SLC71A2: variants seen among roughly 807,000 people sequenced by gnomAD.
SLC71A2 encodes solute carrier family 71 member 2, also known as hippocampus abundant transcript-like 1.
the SLC71A2 span, among the ~76,000 whole-genome samples, chr9:94,426,429 A>G: frequency 2.0e-5 from 3 of 152,146 alleles, no homozygotes; most frequent in Non-Finnish European, 4.4e-5. Flanking sequence ...AACTTCTTCA[A>G]GGTCTTCTCT....
At chr9:94,424,614 A>G in the SLC71A2 span, among the ~76,000 whole-genome samples, 1 of 151,324 alleles carries the variant, frequency 6.6e-6, no homozygotes, top group Non-Finnish European at 1.5e-5. Context: ...ATGTCTGTAT[A>G]TATATATTTT....
the SLC71A2 span, chr9:94,460,426 A>AATC: frequency 1.1e-4 from 17 of 152,554 alleles, no homozygotes; most frequent in Admixed American, 8.5e-4. Flanking sequence ...TCTTTATTTC[A>AATC]ATCTGTTTAA....
At chr9:94,438,393 C>G in the SLC71A2 span, 1 of 1,614,132 alleles carries the variant, frequency 6.2e-7, no homozygotes, top group Non-Finnish European at 8.5e-7. Context: ...CTTTGGTTTC[C>G]TCTCCAGGGC....
the SLC71A2 span, among the ~76,000 whole-genome samples, chr9:94,423,268 T>C: frequency 0.31 from 45,457 of 146,652 alleles, 7,289 homozygotes; most frequent in Admixed American, 0.44. Flanking sequence ...TCTCTCTCTT[T>C]TTTTTTTTTT....
At chr9:94,445,769 GA>G in the SLC71A2 span, among the ~76,000 whole-genome samples, 3 of 150,994 alleles carry the variant, frequency 2.0e-5, no homozygotes, top group Admixed American at 6.6e-5. Context: ...TGTTCTTGGG[GA>G]AAAAAAAAGT....
At chr9:94,402,769 T>G in the SLC71A2 span, among the ~76,000 whole-genome samples, 1 of 152,238 alleles carries the variant, frequency 6.6e-6, no homozygotes, top group African/African-American at 2.4e-5. Flanking sequence ...CAGACTCATC[T>G]TGAAACCATG....
the SLC71A2 span, among the ~76,000 whole-genome samples, chr9:94,396,221 A>G: frequency 6.7e-6 from 1 of 149,388 alleles, no homozygotes; most frequent in Admixed American, 6.7e-5. Context: ...CTATTTATTC[A>G]AAGTGGAGTT....
the SLC71A2 span, chr9:94,458,433 C>G: frequency 6.2e-7 from 1 of 1,613,850 alleles, no homozygotes; most frequent in Middle Eastern, 1.7e-4. Context: ...GAGTTGGGCC[C>G]GAAATTGAAT....
the SLC71A2 span, among the ~76,000 whole-genome samples, chr9:94,419,118 GTT>G: frequency 6.9e-6 from 1 of 144,578 alleles, no homozygotes. Context: ...GCAATTTTGG[GTT>G]TTTTTTTTTA....
At chr9:94,382,335 T>G in the SLC71A2 span, among the ~76,000 whole-genome samples, 1 of 151,548 alleles carries the variant, frequency 6.6e-6, no homozygotes, top group Non-Finnish European at 1.5e-5. Context: ...TTCCCTAAAC[T>G]TATATGTCTT....
At chr9:94,418,073 G>A in the SLC71A2 span, among the ~76,000 whole-genome samples, 1 of 152,134 alleles carries the variant, frequency 6.6e-6, no homozygotes, top group African/African-American at 2.4e-5. Flanking sequence ...ATGTTGGCCA[G>A]GCTGGTCTCG....
the SLC71A2 span, among the ~76,000 whole-genome samples, chr9:94,450,728 A>G: frequency 6.6e-6 from 1 of 152,234 alleles, no homozygotes; most frequent in Non-Finnish European, 1.5e-5. Context: ...TGACCTGATG[A>G]TCCGCCTGCC....
the SLC71A2 span, among the ~76,000 whole-genome samples, chr9:94,436,520 A>G: frequency 6.6e-6 from 1 of 152,206 alleles, no homozygotes; most frequent in East Asian, 1.9e-4. Context: ...TCTTTTATAT[A>G]AAGTATTAAT....
the SLC71A2 span, among the ~76,000 whole-genome samples, chr9:94,399,633 G>T: frequency 1.3e-5 from 2 of 152,040 alleles, no homozygotes; most frequent in Non-Finnish European, 2.9e-5. Context: ...TATTTAATTG[G>T]TCAGTCACAG....
At chr9:94,413,604 A>T in the SLC71A2 span, among the ~76,000 whole-genome samples, 1 of 144,290 alleles carries the variant, frequency 6.9e-6, no homozygotes, top group African/African-American at 2.6e-5. Context: ...ACTTTGCAGT[A>T]AGCTGAGATC....
At chr9:94,378,018 C>T in the SLC71A2 span, among the ~76,000 whole-genome samples, 3,304 of 151,716 alleles carry the variant, frequency 0.022, 120 homozygotes, top group African/African-American at 0.075. Flanking sequence ...GCAGGAGAAT[C>T]GCTTGAACCT....
At chr9:94,377,241 A>G in the SLC71A2 span, among the ~76,000 whole-genome samples, 1 of 152,020 alleles carries the variant, frequency 6.6e-6, no homozygotes, top group South Asian at 2.1e-4. Flanking sequence ...TATAGCCCCT[A>G]TATGAATTGA....
the SLC71A2 span, among the ~76,000 whole-genome samples, chr9:94,439,338 G>A: frequency 2.0e-5 from 3 of 151,086 alleles, no homozygotes; most frequent in African/African-American, 4.9e-5. Context: ...TGTATAAATC[G>A]GGAGAGTATT....
the SLC71A2 span, among the ~76,000 whole-genome samples, chr9:94,423,379 G>A: frequency 6.6e-6 from 1 of 151,676 alleles, no homozygotes; most frequent in Admixed American, 6.6e-5. Flanking sequence ...CAAGCCACGT[G>A]TGCCCTGCAT....
Sources: allele counts gnomAD v4.1 joint callset (sites outside exome capture counted in the v4.1 genomes callset), GRCh38; gene constraint gnomAD v4.1.1; transcripts MANE v1.5; gene names NCBI Gene and HGNC (gene_info 2026-07-23, HGNC 2026-07-21).